Variants in PCDHGA10 observed in about 807,000 individuals in gnomAD.
PCDHGA10 encodes protocadherin gamma-A10.
In PCDHGA10, 42 loss-of-function variants were observed where a neutral mutation model predicts 59.5. The ratio of observed to expected loss-of-function variants is 0.71; its 90% CI spans 0.55 to 0.91. The LOEUF (loss-of-function observed/expected upper bound fraction) is 0.91. PCDHGA10 is among the 40% of genes least tolerant of loss of function. PCDHGA10 has a pLI of 0.00. For synonymous variants in PCDHGA10, 511 were observed against 517.2 expected (o/e 0.99, Z 0.16); for missense variants, 1,111 against 1,198.2 (o/e 0.93, Z 1.07).
In PCDHGA10 at chr5:141,477,524, A is replaced by G. The variant is rs1302186932; in HGVS notation, c.2437-17283A>G. The stretch of plus-strand genomic sequence containing the variant: ...CTACGACGTTTACATTGAAGAAAAC[A>G]ACCTCCCCGGGGCTCCAATACTAAA... On this transcript the variant is annotated intron_variant, in intron 1 of 3. Coordinates refer to ENST00000398610, the MANE Select transcript of PCDHGA10 (RefSeq NM_018913.3). The surrounding 1 kb of genome is among the most constrained non-coding windows in gnomAD (Gnocchi z 4.9). The G allele has an allele frequency of 1.2e-6, 2 of 1,614,122 alleles. No individual in the cohort carries two copies. Among genetic ancestry groups the G allele is most frequent in the Non-Finnish European group, 1.7e-6 (2 of 1,180,022 alleles).
chr5:141,434,877 C>A (rs1266355299), intron 1 of PCDHGA10, among the ~76,000 whole-genome samples: 1 of 151,612 alleles, frequency 6.6e-6, no homozygotes, highest in Non-Finnish European at 1.5e-5. Flanking sequence ...TGACAGATAC[C>A]AACAACAATC....
At chr5:141,494,250 G>C (rs908660385) in intron 1 of PCDHGA10, among the ~76,000 whole-genome samples, 3 of 152,182 alleles carry the variant, frequency 2.0e-5, no homozygotes, top group African/African-American at 7.2e-5. Flanking sequence ...TTTAGCTGTG[G>C]GAAGAGATTC....
intron 1 of PCDHGA10, among the ~76,000 whole-genome samples, chr5:141,461,917 G>A (rs527287831): frequency 6.6e-6 from 1 of 152,098 alleles, no homozygotes; most frequent in South Asian, 2.1e-4. Flanking sequence ...TCTGCCTCCT[G>A]GGTTCCAGCA....
intron 1 of PCDHGA10, chr5:141,418,462 C>G: frequency 1.2e-6 from 2 of 1,613,974 alleles, no homozygotes; most frequent in Non-Finnish European, 8.5e-7. Flanking sequence ...AGACTCTGGA[C>G]CGAGAAACGC....
intron 1 of PCDHGA10, among the ~76,000 whole-genome samples, chr5:141,460,987 ATATATATATGTG>A (rs2099005819): frequency 1.1e-5 from 1 of 92,944 alleles, no homozygotes; most frequent in Admixed American, 9.9e-5. Flanking sequence ...GTGTGTGTAT[ATATATATATGTG>A]TATATATATA....
At chr5:141,451,288 C>G (rs1308574266) in intron 1 of PCDHGA10, among the ~76,000 whole-genome samples, 3 of 152,200 alleles carry the variant, frequency 2.0e-5, no homozygotes, top group Non-Finnish European at 4.4e-5. Context: ...GCCTCTGCCT[C>G]AAAGTCTTAC....
In PCDHGA10 at chr5:141,500,452, G is replaced by A. The variant is rs554196222; in HGVS notation, c.2496-4941G>A. 2.6e-3 allele frequency among the ~76,000 whole-genome samples: 398 copies of A among 151,620 alleles called. 2 individuals carry two copies. The highest frequency in any genetic ancestry group is 0.021 in the South Asian group (99 of 4,798). On this transcript the variant is annotated intron_variant, in intron 2 of 3. Transcript: ENST00000398610. ...TCTCGATCTCCTGACCTCGTGATCC[G>A]CCCGCCTCGGCCTCCCAAAGTGCTG... is the stretch of plus-strand genomic sequence containing the variant.
chr5:141,430,509 G>T, intron 1 of PCDHGA10: 1 of 328,564 alleles, frequency 3.0e-6, no homozygotes. Flanking sequence ...GGGAGTTCAA[G>T]ATTGTGCAGT....
In PCDHGA10 at chr5:141,477,294, C is replaced by G. The variant is rs753131175; in HGVS notation, c.2437-17513C>G. On this transcript the variant is annotated intron_variant, in intron 1 of 3. Coordinates refer to ENST00000398610, the MANE Select transcript of PCDHGA10 (RefSeq NM_018913.3). This position sits in a 1 kb window ranked among gnomAD's most constrained non-coding sequence, Gnocchi z 4.9. ...GGGCTGGTGACCTGCGAAGTTCCACCGGGTCTCCCTTTCAGCCTTACTTCT... is the reference window on the plus strand; with the variant it reads ...GGGCTGGTGACCTGCGAAGTTCCACGGGGTCTCCCTTTCAGCCTTACTTCT... The G allele has an allele frequency of 2.1e-5, 34 of 1,614,024 alleles. No individual in the cohort carries two copies. Among genetic ancestry groups the G allele is most frequent in the Non-Finnish European group, 2.9e-5 (34 of 1,180,036 alleles).
intron 1 of PCDHGA10, among the ~76,000 whole-genome samples, chr5:141,449,177 G>T (rs2098631167): frequency 6.6e-6 from 1 of 152,028 alleles, no homozygotes. Flanking sequence ...AATTTTCTTA[G>T]GTATTTTCAC....
At chr5:141,496,080 C>G (rs2099765822) in intron 2 of PCDHGA10, among the ~76,000 whole-genome samples, 2 of 152,150 alleles carry the variant, frequency 1.3e-5, no homozygotes, top group East Asian at 1.9e-4. Context: ...ACACAACCCC[C>G]CACCCACCAC....
chr5:141,486,590 C>T lies in PCDHGA10; in HGVS notation c.2437-8217C>T, dbSNP rs781629297. On this transcript the variant is annotated intron_variant, in intron 1 of 3. Transcript: ENST00000398610. This position sits in a 1 kb window ranked among gnomAD's most constrained non-coding sequence, Gnocchi z 5.0. Reference sequence around the variant, plus strand: ...TCCTGAGAACAATCGCCCAGGGGACCTGCTTTGCTCCCTTGCAGCCTCTGA... The same window carrying T: ...TCCTGAGAACAATCGCCCAGGGGACTTGCTTTGCTCCCTTGCAGCCTCTGA... The T allele has an allele frequency of 6.2e-7, 1 of 1,613,640 alleles. No individual in the cohort carries two copies.
Position 141,489,263 on chromosome 5 carries a change from A to G in PCDHGA10, c.2437-5544A>G. The G allele has an allele frequency of 6.4e-7, 1 of 1,552,104 alleles. No homozygotes were observed. Among genetic ancestry groups the G allele is most frequent in the South Asian group, 1.3e-5 (1 of 79,626 alleles). On this transcript the variant is annotated intron_variant, in intron 1 of 3. Transcript: ENST00000398610. This position sits in a 1 kb window ranked among gnomAD's most constrained non-coding sequence, Gnocchi z 4.5. ...GTCATGGGGCCCAAGACACTCCCAC[A>G]GCTCGCTGGGAAATGGCAAGTGCTG...
chr5:141,504,180 A>G (rs1195970606), intron 2 of PCDHGA10, among the ~76,000 whole-genome samples: 1 of 152,236 alleles, frequency 6.6e-6, no homozygotes, highest in Non-Finnish European at 1.5e-5. Context: ...ATTCAAAAAA[A>G]TCATGAAAAT....
chr5:141,419,830 T>G, intron 1 of PCDHGA10: 1 of 1,614,052 alleles, frequency 6.2e-7, no homozygotes, highest in African/African-American at 1.3e-5. Context: ...TTTCAGCCAC[T>G]GCCACGCTGC....
intron 1 of PCDHGA10, chr5:141,419,602 C>T (rs757423030): frequency 6.2e-7 from 1 of 1,611,874 alleles, no homozygotes; most frequent in Admixed American, 1.7e-5. Flanking sequence ...TGCCGCGGGC[C>T]GCGCAGCCAG....
chr5:141,462,242 G>A (rs1325040495), intron 1 of PCDHGA10, among the ~76,000 whole-genome samples: 3 of 152,234 alleles, frequency 2.0e-5, no homozygotes, highest in Non-Finnish European at 4.4e-5. Context: ...TTACAGGTAT[G>A]AGCCACCATG....
At chr5:141,488,525 G>A (rs1040463796) in intron 1 of PCDHGA10, among the ~76,000 whole-genome samples, 1 of 152,182 alleles carries the variant, frequency 6.6e-6, no homozygotes, top group African/African-American at 2.4e-5. Flanking sequence ...TGGGGTGTCA[G>A]AAAAGCTAAG....
At chr5:141,445,342 T>C (rs1026595756) in intron 1 of PCDHGA10, among the ~76,000 whole-genome samples, 4 of 152,202 alleles carry the variant, frequency 2.6e-5, no homozygotes, top group African/African-American at 9.6e-5. Flanking sequence ...ACAGTAAACA[T>C]TGGTGTCTGC....
Sources: allele counts gnomAD v4.1 joint callset (sites outside exome capture counted in the v4.1 genomes callset), GRCh38; gene constraint gnomAD v4.1.1; non-coding constraint Gnocchi (gnomAD v3.1); transcripts MANE v1.5; gene names NCBI Gene and HGNC (gene_info 2026-07-23, HGNC 2026-07-21).